The following SEC16B variants were observed in gnomAD, a reference collection of about 807,000 sequenced individuals.
The protein encoded by SEC16B is SEC16 homolog B, endoplasmic reticulum export factor.
A neutral mutation model predicts 141.8 loss-of-function variants in SEC16B; 115 were observed. That is an observed-to-expected ratio of 0.81 (90% CI 0.70 to 0.95). The LOEUF (loss-of-function observed/expected upper bound fraction) is 0.95. Ranked by LOEUF, SEC16B falls within the 40% of genes least tolerant of loss-of-function variation. The pLI is 0.00. For missense variants in SEC16B, 1,291 were observed against 1,312.3 expected, an observed-to-expected ratio of 0.98 and a Z score of 0.25; for synonymous variants, 493 against 492.5, an observed-to-expected ratio of 1.00 and a Z score of -0.01.
chr1:177,955,161 T>C (rs1652499871), intron 10 of SEC16B, among the ~76,000 whole-genome samples: 1 of 149,918 alleles, frequency 6.7e-6, no homozygotes, highest in Admixed American at 6.6e-5. Flanking sequence ...CTTCATTGAA[T>C]GCATTTTGAA....
intron 10 of SEC16B, among the ~76,000 whole-genome samples, chr1:177,955,546 C>T (rs1023644615): frequency 6.6e-6 from 1 of 152,064 alleles, no homozygotes; most frequent in African/African-American, 2.4e-5. Context: ...GGGGTTTCTC[C>T]ATGTCACCCA....
Position 177,967,701 on chromosome 1 carries a change from C to G in SEC16B, c.281G>C (p.Arg94Pro). The G allele has an allele frequency of 6.2e-7, 1 of 1,602,764 alleles. No homozygotes were observed. The highest frequency in any genetic ancestry group is 8.5e-7 in the Non-Finnish European group (1 of 1,172,228). Residue 94 changes from arginine (R) to proline (P), a missense_variant, in exon 2 of 26, where the codon CGC becomes CCC. Physicochemically the swap from Arg to Pro is moderately radical, Grantham distance 103. Coordinates refer to ENST00000308284, the MANE Select transcript of SEC16B (RefSeq NM_033127.4). ...GCCATACCTTGAATACAACTGATTG[C>G]GATAACCACCTTCGTAATAGTCAAC... The part of the protein sequence containing the change: ...SGVDYYEGGY[R>P]NQLYSRPGYE...
intron 12 of SEC16B, among the ~76,000 whole-genome samples, chr1:177,948,820 C>G (rs1469223802): frequency 6.6e-6 from 1 of 152,104 alleles, no homozygotes; most frequent in Admixed American, 6.5e-5. Context: ...TAATTTCTAC[C>G]TAACAGGTTA....
chr1:177,933,463 G>A (rs932758859), intron 21 of SEC16B, 21 bp downstream of exon 21: 54 of 1,608,564 alleles, frequency 3.4e-5, no homozygotes, highest in Non-Finnish European at 4.3e-5. Context: ...AGGCAGGGGA[G>A]AGAAGAACAA....
At chr1:177,951,571 C>T (rs1204284211) in intron 12 of SEC16B, among the ~76,000 whole-genome samples, 3 of 152,318 alleles carry the variant, frequency 2.0e-5, no homozygotes, top group African/African-American at 7.2e-5. Context: ...CACAGCAGAG[C>T]AGGCAGCTTT....
rs770450983 is a variant in SEC16B at position 177,933,540 on chromosome 1, A to C, written c.2668T>G (p.Ser890Ala). 1 of 1,613,766 alleles carries C rather than the reference A, an allele frequency of 6.2e-7. No homozygotes were observed. Among genetic ancestry groups the C allele is most frequent in the South Asian group, 1.1e-5 (1 of 91,036 alleles). ...CCTCTCTGGGCAGTATTTCGGGGAG[A>C]GTTTTTATCAGCCTCATCAGAGGAC... ...KESSDEADKN[S>A]PRNTAQRGKL... The change falls in exon 21 of 26, where the codon TCT (serine) becomes GCT (alanine). Residue 890 changes from serine (S) to alanine (A), a missense_variant. By Grantham distance (99) the Ser-to-Ala change is moderately conservative (BLOSUM62 1). Coordinates refer to ENST00000308284, the MANE Select transcript of SEC16B (RefSeq NM_033127.4).
chr1:177,951,272 A>G (rs908296756), intron 12 of SEC16B, among the ~76,000 whole-genome samples: 4 of 152,218 alleles, frequency 2.6e-5, no homozygotes, highest in Non-Finnish European at 4.4e-5. Flanking sequence ...TATATACCCC[A>G]AGGAAAAAAA....
chr1:177,979,443 T>C (rs1934651), intron 1 of SEC16B, among the ~76,000 whole-genome samples: 55,595 of 152,112 alleles, frequency 0.37, 12,741 homozygotes, highest in African/African-American at 0.65. Context: ...GTTTAAATGG[T>C]ACTCACATCC....
At chr1:177,930,521 C>T (rs1252775161) in intron 25 of SEC16B, 24 bp downstream of exon 25, 1 of 1,567,072 alleles carries the variant, frequency 6.4e-7, no homozygotes, top group East Asian at 2.2e-5. Flanking sequence ...CCTGGCCAGC[C>T]CCTCCCCCTG....
intron 12 of SEC16B, chr1:177,948,362 G>A (rs1571324574): frequency 7.7e-7 from 1 of 1,304,866 alleles, no homozygotes; most frequent in East Asian, 5.5e-5. Context: ...CAGAAGTCGG[G>A]GGAACACGGG....
At chr1:177,967,501 C>T (rs1439431581) in intron 2 of SEC16B, among the ~76,000 whole-genome samples, 182 bp downstream of exon 2, 1 of 151,904 alleles carries the variant, frequency 6.6e-6, no homozygotes, top group Non-Finnish European at 1.5e-5. Context: ...GAGAGAAATA[C>T]TATCTTCAGT....
intron 14 of SEC16B, chr1:177,945,931 C>A: frequency 4.7e-6 from 1 of 214,690 alleles, no homozygotes; most frequent in South Asian, 1.0e-4. Flanking sequence ...CAGAGAATGT[C>A]ACCAGTGGGA....
chr1:177,976,913 C>T (rs111671843), intron 1 of SEC16B, among the ~76,000 whole-genome samples: 7,052 of 152,072 alleles, frequency 0.046, 215 homozygotes, highest in African/African-American at 0.061. Context: ...AAATAATGGG[C>T]TAAGGTGAAA....
At chr1:177,954,241 T>C (rs1290451706) in intron 11 of SEC16B, 38 bp downstream of exon 11, 1 of 1,498,446 alleles carries the variant, frequency 6.7e-7, no homozygotes, top group Non-Finnish European at 9.1e-7. Context: ...AGGAGGCCTC[T>C]CTGCCCCACT....
At chr1:177,957,251 T>C (rs1652682307) in intron 10 of SEC16B, among the ~76,000 whole-genome samples, 1 of 152,154 alleles carries the variant, frequency 6.6e-6, no homozygotes, top group Non-Finnish European at 1.5e-5. Context: ...TTGACAAAAT[T>C]ATAAATAGTC....
chr1:177,958,690 G>A (rs575196990), intron 9 of SEC16B, 150 bp downstream of exon 9: 8 of 956,404 alleles, frequency 8.4e-6, no homozygotes, highest in Non-Finnish European at 1.1e-5. Context: ...TAGCAAACTC[G>A]CATTGACATT....
At chr1:177,932,250 A>G (rs1047275395) in intron 24 of SEC16B, among the ~76,000 whole-genome samples, 3 of 152,222 alleles carry the variant, frequency 2.0e-5, no homozygotes, top group Non-Finnish European at 2.9e-5. Context: ...AGGTCTCAAA[A>G]GACACAACCC....
rs1034596682 is a variant in SEC16B at position 177,929,697 on chromosome 1, G to C, written c.*161C>G. 1.2e-5 allele frequency: 8 copies of C among 666,270 alleles called. No homozygotes were observed. The highest frequency in any genetic ancestry group is 2.1e-5 in the Non-Finnish European group (8 of 373,482). 41.3% of individuals were successfully genotyped at this position (666,270 alleles called of 1,614,324 possible). A position where few individuals can be genotyped will look rare whatever the true frequency, so the allele number is the denominator to read the frequency against. Reference sequence around the variant, plus strand: ...AAGAGACTGAATTGTGCTGTGTCTTGAGAGATCCTGTCCTCTTGCCTTCTA... The same window carrying C: ...AAGAGACTGAATTGTGCTGTGTCTTCAGAGATCCTGTCCTCTTGCCTTCTA... On this transcript the variant is annotated 3_prime_UTR_variant, in exon 26 of 26. Transcript: ENST00000308284.
At chr1:177,950,957 G>A (rs71628262) in intron 12 of SEC16B, among the ~76,000 whole-genome samples, 4 of 103,340 alleles carry the variant, frequency 3.9e-5, no homozygotes, top group African/African-American at 1.5e-4. Flanking sequence ...AGGAGGGAAG[G>A]AAAGAAGGAA....
Sources: allele counts gnomAD v4.1 joint callset (sites outside exome capture counted in the v4.1 genomes callset), GRCh38; gene constraint gnomAD v4.1.1; transcripts MANE v1.5; gene names NCBI Gene and HGNC (gene_info 2026-07-23, HGNC 2026-07-21).